The following GRID2 variants were observed in gnomAD, a reference collection of about 807,000 sequenced individuals.
GRID2 encodes glutamate ionotropic receptor delta type subunit 2.
In GRID2, 33 loss-of-function variants were observed where a neutral mutation model predicts 114.8. That is an observed-to-expected ratio of 0.29 (90% CI 0.22 to 0.38). The LOEUF is 0.38. GRID2 is among the 10% of genes least tolerant of loss of function. The pLI, the probability that GRID2 is intolerant of heterozygous loss-of-function variation, is 1.00. For missense variants in GRID2, 1,184 were observed against 1,257.7 expected (o/e 0.94, Z 0.89); for synonymous variants, 505 against 449.9 (o/e 1.12, Z -1.55).
In GRID2 at chr4:92,835,703, G is replaced by A. The variant is rs1865430; in HGVS notation, c.244+245417G>A. 7.4e-3 allele frequency among the ~76,000 whole-genome samples: 1,123 copies of A among 152,174 alleles called. 8 individuals carry two copies. Among genetic ancestry groups the A allele is most frequent in the Non-Finnish European group, 0.011 (753 of 67,974 alleles). On this transcript the variant is annotated intron_variant, in intron 2 of 15. Transcript: ENST00000282020. ...AACATTTGAGAATAATTAGATAAAA[G>A]CCTGTGACAATTTCCTTCCCTACAT... is the stretch of plus-strand genomic sequence containing the variant.
In GRID2 at chr4:93,105,971, G is replaced by T. The variant is rs546316301; in HGVS notation, c.530-4777G>T. Among the ~76,000 whole-genome samples, 4 of 152,200 alleles carry T rather than the reference G, an allele frequency of 2.6e-5. No individual in the cohort carries two copies. The South Asian group carries it at 8.3e-4, about 32-fold the overall frequency. On this transcript the variant is annotated intron_variant, in intron 3 of 15. Coordinates refer to ENST00000282020, the MANE Select transcript of GRID2 (RefSeq NM_001510.4). ...GATTAACATGTGAGCATTTTGGGGA[G>T]ACCAATATTCTGCCTACCACAAGTT...
At chr4:93,800,081 T>C (rs1342578469) in intron 1 of GRID2, among the ~76,000 whole-genome samples, 1 of 152,212 alleles carries the variant, frequency 6.6e-6, no homozygotes, top group Non-Finnish European at 1.5e-5. Flanking sequence ...GTTGGTCTAA[T>C]ACCTAACCTA....
chr4:92,617,544 A>G (rs544438899), intron 2 of GRID2, among the ~76,000 whole-genome samples: 2 of 151,794 alleles, frequency 1.3e-5, no homozygotes, highest in African/African-American at 4.8e-5. Context: ...AAATGACAGG[A>G]TATCATTCTT....
At chr4:92,538,720 A>G (rs1725774829) in intron 1 of GRID2, among the ~76,000 whole-genome samples, 1 of 152,156 alleles carries the variant, frequency 6.6e-6, no homozygotes, top group Non-Finnish European at 1.5e-5. Context: ...TCCCAGCACA[A>G]GGAAGAGTCA....
At chr4:92,969,425 A>G (rs1006797795) in intron 2 of GRID2, among the ~76,000 whole-genome samples, 1 of 151,650 alleles carries the variant, frequency 6.6e-6, no homozygotes, top group Admixed American at 6.6e-5. Context: ...TGGCAATTTT[A>G]CAATTAAGAG....
At chr4:92,458,528 TTG>T (rs1721326615) in intron 1 of GRID2, among the ~76,000 whole-genome samples, 1 of 152,078 alleles carries the variant, frequency 6.6e-6, no homozygotes, top group African/African-American at 2.4e-5. Flanking sequence ...CCACCATTTT[TTG>T]TGTTTGTTTT....
At chr4:93,460,455 T>A (rs1440966796) in intron 11 of GRID2, among the ~76,000 whole-genome samples, 1 of 152,220 alleles carries the variant, frequency 6.6e-6, no homozygotes, top group Non-Finnish European at 1.5e-5. Context: ...AGCAAGTTCC[T>A]ATTCATCCTC....
At chr4:92,335,459 A>G (rs182545565) in intron 1 of GRID2, among the ~76,000 whole-genome samples, 11 of 152,330 alleles carry the variant, frequency 7.2e-5, no homozygotes, top group South Asian at 2.1e-4. Flanking sequence ...ATTAATCATT[A>G]TTATGATTTA....
chr4:92,819,500 A>G (rs1578234832), intron 2 of GRID2, among the ~76,000 whole-genome samples: 1 of 152,258 alleles, frequency 6.6e-6, no homozygotes, highest in African/African-American at 2.4e-5. Flanking sequence ...CTCAGTAACT[A>G]TGTGATCTTG....
At chr4:93,378,661 A>G (rs1273354583) in intron 8 of GRID2, among the ~76,000 whole-genome samples, 1 of 152,116 alleles carries the variant, frequency 6.6e-6, no homozygotes, top group Non-Finnish European at 1.5e-5. Context: ...CAGTAAGATT[A>G]GCTTAGAGAA....
At position 92,950,050 on chromosome 4, in the gene GRID2, A is replaced by G. The variant is rs532630877; in HGVS notation, c.245-134945A>G. 1.4e-3 allele frequency among the ~76,000 whole-genome samples: 209 copies of G among 152,270 alleles called. 1 individual carries two copies. Among genetic ancestry groups the G allele is most frequent in the African/African-American group, 4.8e-3 (201 of 41,570 alleles). ...ACTATTTGAGAAAAGAATCAAGATG[A>G]GTCAATAAAGATGTAGCAAAGTTTG... On this transcript the variant is annotated intron_variant, in intron 2 of 15. Coordinates refer to ENST00000282020, the MANE Select transcript of GRID2 (RefSeq NM_001510.4).
intron 11 of GRID2, among the ~76,000 whole-genome samples, chr4:93,462,828 T>C (rs763172820): frequency 7.9e-5 from 12 of 152,222 alleles, no homozygotes; most frequent in Non-Finnish European, 1.6e-4. Context: ...TTTCTTTATA[T>C]TGTTACCTAA....
chr4:93,314,096 G>C (rs1342951141), intron 8 of GRID2, among the ~76,000 whole-genome samples: 1 of 152,010 alleles, frequency 6.6e-6, no homozygotes, highest in Middle Eastern at 3.2e-3. Flanking sequence ...CCTGAGGTCA[G>C]AAGTTCAAGA....
At chr4:93,270,666 C>T (rs1453982225) in intron 8 of GRID2, among the ~76,000 whole-genome samples, 1 of 151,974 alleles carries the variant, frequency 6.6e-6, no homozygotes, top group African/African-American at 2.4e-5. Context: ...TCTCATTCTA[C>T]TGCCCAGGCT....
At chr4:92,842,991 C>A (rs1176772388) in intron 2 of GRID2, among the ~76,000 whole-genome samples, 7 of 152,226 alleles carry the variant, frequency 4.6e-5, no homozygotes, top group Admixed American at 4.6e-4. Context: ...GTAATGTAAG[C>A]ACTTTGGCAG....
chr4:93,188,702 T>A (rs1463319884), intron 4 of GRID2, among the ~76,000 whole-genome samples: 1 of 152,106 alleles, frequency 6.6e-6, no homozygotes, highest in African/African-American at 2.4e-5. Context: ...TTTTCTTTAA[T>A]TTGTTTCTCT....
chr4:93,569,098 G>A (rs1297256388), intron 13 of GRID2, among the ~76,000 whole-genome samples: 1 of 152,132 alleles, frequency 6.6e-6, no homozygotes, highest in African/African-American at 2.4e-5. Flanking sequence ...TGGTATGAGA[G>A]TATGAAACCT....
At chr4:93,058,597 T>G (rs1727486040) in intron 2 of GRID2, among the ~76,000 whole-genome samples, 1 of 151,976 alleles carries the variant, frequency 6.6e-6, no homozygotes, top group Non-Finnish European at 1.5e-5. Flanking sequence ...CGTTATTGCT[T>G]AAATCACTGT....
At chr4:92,551,986 T>G (rs749502467) in intron 1 of GRID2, among the ~76,000 whole-genome samples, 1 of 151,878 alleles carries the variant, frequency 6.6e-6, no homozygotes, top group Non-Finnish European at 1.5e-5. Context: ...AAAATAGTAA[T>G]AAGAACACTA....
Sources: allele counts gnomAD v4.1 joint callset (sites outside exome capture counted in the v4.1 genomes callset), GRCh38; gene constraint gnomAD v4.1.1; transcripts MANE v1.5; gene names NCBI Gene and HGNC (gene_info 2026-07-23, HGNC 2026-07-21).